BRINP1: variants seen among roughly 807,000 people sequenced by gnomAD.
The protein encoded by BRINP1 is BMP/retinoic acid-inducible neural-specific protein 1.
In BRINP1, 17 loss-of-function variants were observed where a neutral mutation model predicts 72.9. The ratio of observed to expected loss-of-function variants is 0.23; its 90% CI spans 0.16 to 0.35. The LOEUF is 0.35. Ranked by LOEUF, BRINP1 falls within the 10% of genes least tolerant of loss-of-function variation. The probability of loss-of-function intolerance (pLI) is 1.00; values close to 1 mark genes in which losing one functional copy is unlikely to be tolerated. For synonymous variants in BRINP1, 418 were observed against 378.5 expected, an observed-to-expected ratio of 1.10 and a Z score of -1.21; for missense variants, 850 against 1,001.6, an observed-to-expected ratio of 0.85 and a Z score of 2.04.
At chr9:119,366,210 T>C (rs186245585) in intron 1 of BRINP1, among the ~76,000 whole-genome samples, 1 of 152,224 alleles carries the variant, frequency 6.6e-6, no homozygotes, top group Non-Finnish European at 1.5e-5. Flanking sequence ...CATGTGTGCT[T>C]GCATATGCTT....
At chr9:119,284,166 T>C (rs1830738491) in intron 2 of BRINP1, among the ~76,000 whole-genome samples, 1 of 152,244 alleles carries the variant, frequency 6.6e-6, no homozygotes, top group Non-Finnish European at 1.5e-5. Flanking sequence ...CATCGCTTTC[T>C]TTTGACTTGA....
At chr9:119,317,812 A>G (rs1831140630) in intron 1 of BRINP1, among the ~76,000 whole-genome samples, 1 of 152,204 alleles carries the variant, frequency 6.6e-6, no homozygotes, top group Non-Finnish European at 1.5e-5. Context: ...ACCTTCCACC[A>G]GCAAAAAGAT....
chr9:119,293,415 A>T (rs1407277283), intron 2 of BRINP1, among the ~76,000 whole-genome samples: 1 of 152,196 alleles, frequency 6.6e-6, no homozygotes, highest in Admixed American at 6.5e-5. Flanking sequence ...CATATTAGCA[A>T]GACTCTTCTC....
At chr9:119,219,385 A>T (rs546417799) in intron 5 of BRINP1, among the ~76,000 whole-genome samples, 2 of 152,178 alleles carry the variant, frequency 1.3e-5, no homozygotes, top group Non-Finnish European at 2.9e-5. Context: ...GATTAAAATA[A>T]TTATTATTGG....
At position 119,221,179 on chromosome 9, in the gene BRINP1, C is replaced by T. The variant is rs373136687; in HGVS notation, c.686-7024G>A. Among the ~76,000 whole-genome samples the T allele has an allele frequency of 3.3e-4, 50 of 152,202 alleles. 2 individuals carry two copies. The highest frequency in any genetic ancestry group is 1.1e-3 in the African/African-American group (46 of 41,538). The stretch of plus-strand genomic sequence containing the variant: ...TGTGCCCCCTGTAGATATCTCTGAG[C>T]TTTATAGGAGCCCCAGCTGTTGTCT... On this transcript the variant is annotated intron_variant, in intron 5 of 7. Transcript: ENST00000265922.
intron 2 of BRINP1, among the ~76,000 whole-genome samples, chr9:119,287,884 C>T (rs1189143305): frequency 2.0e-5 from 3 of 151,994 alleles, no homozygotes; most frequent in Non-Finnish European, 4.4e-5. Flanking sequence ...AAGTATCTAA[C>T]GGGTACTAGG....
At chr9:119,366,183 G>A (rs1386116664) in intron 1 of BRINP1, among the ~76,000 whole-genome samples, 1 of 152,090 alleles carries the variant, frequency 6.6e-6, no homozygotes, top group Non-Finnish European at 1.5e-5. Context: ...GCACATGTGT[G>A]TATAAGCACA....
chr9:119,242,951 T>G (rs1393448724), intron 3 of BRINP1, among the ~76,000 whole-genome samples: 1 of 151,194 alleles, frequency 6.6e-6, no homozygotes, highest in Non-Finnish European at 1.5e-5. Context: ...CTCTATCAAC[T>G]ATGTGAACAA....
chr9:119,280,522 G>GT (rs1830699820), intron 2 of BRINP1, among the ~76,000 whole-genome samples: 1 of 152,022 alleles, frequency 6.6e-6, no homozygotes, highest in African/African-American at 2.4e-5. Context: ...GGGATTACAG[G>GT]TGTGAGCTAC....
At chr9:119,234,206 G>C (rs538750669) in intron 5 of BRINP1, among the ~76,000 whole-genome samples, 46 of 152,242 alleles carry the variant, frequency 3.0e-4, no homozygotes, top group Admixed American at 3.9e-4. Context: ...AGAATTTTCC[G>C]AAGTGATTGT....
At chr9:119,198,248 G>A (rs917449804) in intron 7 of BRINP1, among the ~76,000 whole-genome samples, 2 of 152,148 alleles carry the variant, frequency 1.3e-5, no homozygotes, top group Admixed American at 6.6e-5. Context: ...TTAACTTCAC[G>A]TTTTCAATTA....
intron 1 of BRINP1, among the ~76,000 whole-genome samples, chr9:119,325,976 C>T (rs1056330188): frequency 2.0e-5 from 3 of 152,130 alleles, no homozygotes; most frequent in African/African-American, 7.2e-5. Context: ...TGTTTCCCAA[C>T]TTTATAATAG....
chr9:119,201,042 G>T (rs1470801175), intron 7 of BRINP1, among the ~76,000 whole-genome samples: 1 of 152,198 alleles, frequency 6.6e-6, no homozygotes, highest in Non-Finnish European at 1.5e-5. Flanking sequence ...GATCATGGCA[G>T]ATCTGTCAGC....
intron 1 of BRINP1, among the ~76,000 whole-genome samples, chr9:119,340,720 T>A (rs891421316): frequency 1.3e-5 from 2 of 152,168 alleles, no homozygotes; most frequent in Non-Finnish European, 2.9e-5. Context: ...AAATGCCAAA[T>A]GCCCAACCTA....
At chr9:119,348,721 T>C (rs940547335) in intron 1 of BRINP1, among the ~76,000 whole-genome samples, 16 of 152,204 alleles carry the variant, frequency 1.1e-4, no homozygotes, top group Admixed American at 7.9e-4. Flanking sequence ...TTTATGACCC[T>C]AGGTCAACAC....
intron 1 of BRINP1, among the ~76,000 whole-genome samples, chr9:119,356,773 C>T (rs1262196247): frequency 2.6e-5 from 4 of 151,146 alleles, no homozygotes; most frequent in African/African-American, 9.7e-5. Context: ...CCATTGCACT[C>T]CAGCCTGGGC....
At chr9:119,293,201 C>T (rs907155459) in intron 2 of BRINP1, among the ~76,000 whole-genome samples, 5 of 151,806 alleles carry the variant, frequency 3.3e-5, no homozygotes, top group Non-Finnish European at 5.9e-5. Flanking sequence ...TAAGAATTCT[C>T]GGCGGGAAAA....
intron 2 of BRINP1, among the ~76,000 whole-genome samples, chr9:119,260,191 T>C (rs982844896): frequency 2.0e-5 from 3 of 152,188 alleles, no homozygotes; most frequent in African/African-American, 7.2e-5. Flanking sequence ...CTAAAATCTT[T>C]AAGGATTAAC....
At chr9:119,193,066 A>G (rs1175247800) in intron 7 of BRINP1, among the ~76,000 whole-genome samples, 1 of 152,148 alleles carries the variant, frequency 6.6e-6, no homozygotes, top group African/African-American at 2.4e-5. Flanking sequence ...ACCTAATGCA[A>G]TGTAAATACT....
Sources: gnomAD v4.1 joint callset for allele counts (sites outside exome capture counted in the v4.1 genomes callset) on GRCh38, gnomAD v4.1.1 for gene constraint, MANE v1.5 for transcripts, NCBI Gene and HGNC (gene_info 2026-07-23, HGNC 2026-07-21) for gene names.